The following AGO3 variants were observed in gnomAD, a reference collection of about 807,000 sequenced individuals.
AGO3 encodes the protein protein argonaute-3.
AGO3 carries 16 observed loss-of-function variants against 105.5 expected under a neutral mutation model. That is an observed-to-expected ratio of 0.15 (90% CI 0.10 to 0.23). The LOEUF (loss-of-function observed/expected upper bound fraction) is 0.23. AGO3 is among the 10% of genes least tolerant of loss of function. The probability of loss-of-function intolerance (pLI) is 1.00; values close to 1 mark genes in which losing one functional copy is unlikely to be tolerated. For synonymous variants in AGO3, 340 were observed against 367.3 expected (o/e 0.93, Z 0.85); for missense variants, 534 against 1,088.0 (o/e 0.49, Z 7.16).
intron 3 of AGO3, among the ~76,000 whole-genome samples, chr1:35,971,132 T>TA (rs1256799713): frequency 6.9e-6 from 1 of 144,502 alleles, no homozygotes; most frequent in Non-Finnish European, 1.5e-5. Context: ...TTATAAATTA[T>TA]AAATTTATAA....
chr1:35,937,961 TC>T (rs1362618739), intron 1 of AGO3, among the ~76,000 whole-genome samples: 1 of 151,616 alleles, frequency 6.6e-6, no homozygotes, highest in Admixed American at 6.6e-5. Flanking sequence ...TATTTCTTTT[TC>T]CAAAACAAAA....
intron 15 of AGO3, 58 bp downstream of exon 15, chr1:36,040,042 T>C (rs1032461907): frequency 2.7e-6 from 4 of 1,502,680 alleles, no homozygotes; most frequent in Admixed American, 2.0e-5. Flanking sequence ...GTTTATAATA[T>C]GGTGTCTAGT....
chr1:35,937,645 G>A (rs568460224), intron 1 of AGO3, among the ~76,000 whole-genome samples: 22 of 152,026 alleles, frequency 1.4e-4, no homozygotes, highest in African/African-American at 5.3e-4. Context: ...AGCCAAGATC[G>A]TGCCACTGCC....
intron 5 of AGO3, among the ~76,000 whole-genome samples, chr1:35,981,250 T>A (rs960090553): frequency 6.6e-6 from 1 of 152,214 alleles, no homozygotes; most frequent in South Asian, 2.1e-4. Context: ...GTATGTATAC[T>A]TACCACTTTT....
rs998832627 is a variant in AGO3 at position 36,055,843 on chromosome 1, C to T, written c.*98C>T. The T allele has an allele frequency of 8.5e-7, 1 of 1,180,314 alleles. No homozygotes were observed. Among genetic ancestry groups the T allele is most frequent in the African/African-American group, 1.5e-5 (1 of 66,186 alleles). 73.1% of individuals were successfully genotyped at this position (1,180,314 alleles called of 1,614,324 possible). On this transcript the variant is annotated 3_prime_UTR_variant, in exon 19 of 19. Coordinates refer to ENST00000373191, the MANE Select transcript of AGO3 (RefSeq NM_024852.4). This position sits in a 1 kb window ranked among gnomAD's most constrained non-coding sequence, Gnocchi z 4.4. ...TCAATTGAGTAAGGACACCTCCAGC[C>T]ATACAGAAACCAACACTGTGTGGGG...
chr1:36,034,000 A>G (rs1475551989), intron 12 of AGO3, among the ~76,000 whole-genome samples, 174 bp from the exon 13 acceptor site: 1 of 152,258 alleles, frequency 6.6e-6, no homozygotes, highest in African/African-American at 2.4e-5. Flanking sequence ...TAGTCTTCAA[A>G]GCAGTATACT....
intron 1 of AGO3, among the ~76,000 whole-genome samples, chr1:35,934,304 ATTTACT>A (rs1646109641): frequency 6.6e-6 from 1 of 152,224 alleles, no homozygotes; most frequent in African/African-American, 2.4e-5. Flanking sequence ...GAAGAAAAAC[ATTTACT>A]TTTACCTTAA....
chr1:36,035,277 G>A (rs1641951657), intron 13 of AGO3, among the ~76,000 whole-genome samples: 1 of 152,168 alleles, frequency 6.6e-6, no homozygotes, highest in African/African-American at 2.4e-5. Context: ...GCATGTGCCT[G>A]TCGTTCCAGC....
chr1:36,040,017 G>C (rs1415330325), intron 15 of AGO3, 33 bp downstream of exon 15: 7 of 1,566,284 alleles, frequency 4.5e-6, no homozygotes, highest in Non-Finnish European at 6.1e-6. Context: ...AGACTATGGT[G>C]AAATCAGATA....
At chr1:35,991,551 A>G (rs1026333248) in intron 5 of AGO3, among the ~76,000 whole-genome samples, 14 of 147,954 alleles carry the variant, frequency 9.5e-5, no homozygotes, top group African/African-American at 2.2e-4. Context: ...ATATATATAT[A>G]TAAAATATAT....
rs761162675 is a variant in AGO3, at chr1:35,966,969, C to T, written c.206C>T (p.Ser69Leu). The T allele has an allele frequency of 1.1e-5, 17 of 1,611,060 alleles. No homozygotes were observed. Among genetic ancestry groups the T allele is most frequent in the South Asian group, 3.3e-5 (3 of 90,346 alleles). Residue 69 changes from serine to leucine, a missense_variant, in exon 3 of 19, where the codon TCA becomes TTA. Transcript: ENST00000373191. ...CCCTTCTTTAGGGAGGTGGTTGACTCAATGGTTCAGCATTTTAAAGTAACT... is the reference window on the plus strand; with the variant it reads ...CCCTTCTTTAGGGAGGTGGTTGACTTAATGGTTCAGCATTTTAAAGTAACT... ...PRRVNREVVDSMVQHFKVTIF... is the reference protein window; with the variant it reads ...PRRVNREVVDLMVQHFKVTIF...
chr1:36,012,875 C>A (rs1640687642), intron 9 of AGO3, among the ~76,000 whole-genome samples: 1 of 151,528 alleles, frequency 6.6e-6, no homozygotes, highest in Non-Finnish European at 1.5e-5. Context: ...TCAAGGCCAG[C>A]CTGAATAACA....
At chr1:35,966,016 G>A (rs554710168) in intron 2 of AGO3, among the ~76,000 whole-genome samples, 1 of 151,850 alleles carries the variant, frequency 6.6e-6, no homozygotes, top group South Asian at 2.1e-4. Context: ...GTAGAGACAG[G>A]GTTTCTCCAT....
At chr1:35,945,961 C>T in intron 2 of AGO3, 98 bp downstream of exon 2, 2 of 1,232,676 alleles carry the variant, frequency 1.6e-6, no homozygotes, top group Non-Finnish European at 1.1e-6. Flanking sequence ...CAATGTGTAA[C>T]AGTTTGACCA....
At chr1:35,963,649 A>C (rs1042795811) in intron 2 of AGO3, among the ~76,000 whole-genome samples, 4 of 152,048 alleles carry the variant, frequency 2.6e-5, no homozygotes, top group African/African-American at 9.7e-5. Flanking sequence ...ATTATTTAAC[A>C]GTGAATGTAA....
Position 36,056,097 on chromosome 1 carries a change from T to G in AGO3, c.*352T>G. 1 of 166,788 alleles carries G rather than the reference T, an allele frequency of 6.0e-6. No homozygotes were observed. Among genetic ancestry groups the G allele is most frequent in the Admixed American group, 6.3e-5 (1 of 15,918 alleles). The allele number at this position is 166,788 out of a possible 1,614,324, so 10.3% of individuals were successfully genotyped here. On this transcript the variant is annotated 3_prime_UTR_variant, in exon 19 of 19. Coordinates refer to ENST00000373191, the MANE Select transcript of AGO3 (RefSeq NM_024852.4). ...CAAAAAAAAGTAAAGAAAAAGTAAA[T>G]GATGGTTTAAAAAATACACACCTTC...
At chr1:36,047,459 GAAGT>G (rs761991465) in intron 17 of AGO3, among the ~76,000 whole-genome samples, 7 of 151,290 alleles carry the variant, frequency 4.6e-5, no homozygotes, top group Non-Finnish European at 8.9e-5. Context: ...AAAAAAAAAA[GAAGT>G]AAGAATGAAA....
chr1:35,943,503 G>T (rs758818175), intron 1 of AGO3, among the ~76,000 whole-genome samples: 3 of 151,360 alleles, frequency 2.0e-5, no homozygotes, highest in Non-Finnish European at 4.4e-5. Flanking sequence ...GTTTCACCAT[G>T]TTGGCCAGGC....
chr1:35,953,391 C>T (rs1396692590), intron 2 of AGO3, among the ~76,000 whole-genome samples: 2 of 152,102 alleles, frequency 1.3e-5, no homozygotes, highest in Non-Finnish European at 2.9e-5. Context: ...TTATTTTCAT[C>T]CTAGTGGATG....
Sources: gnomAD v4.1 joint callset for allele counts (sites outside exome capture counted in the v4.1 genomes callset) on GRCh38, gnomAD v4.1.1 for gene constraint, Gnocchi (gnomAD v3.1) non-coding constraint, MANE v1.5 for transcripts, NCBI Gene and HGNC (gene_info 2026-07-23, HGNC 2026-07-21) for gene names.